Variants in GLIS3 observed in about 807,000 individuals in gnomAD.
GLIS3 encodes the protein GLIS family zinc finger 3, also known as zinc finger protein GLIS3.
In GLIS3, 53 loss-of-function variants were observed where a neutral mutation model predicts 78.6. The observed-to-expected ratio is 0.67, with a 90% confidence interval of 0.54 to 0.85. The LOEUF is 0.85. Ranked by LOEUF, GLIS3 falls within the 40% of genes least tolerant of loss-of-function variation. The pLI, the probability that GLIS3 is intolerant of heterozygous loss-of-function variation, is 0.00. For missense variants in GLIS3, 1,703 were observed against 1,231.1 expected, an observed-to-expected ratio of 1.38 and a Z score of -5.74; for synonymous variants, 684 against 509.9, an observed-to-expected ratio of 1.34 and a Z score of -4.60.
At chr9:4,088,330 T>C (rs1425716139) in intron 4 of GLIS3, among the ~76,000 whole-genome samples, 1 of 152,244 alleles carries the variant, frequency 6.6e-6, no homozygotes, top group Non-Finnish European at 1.5e-5. Flanking sequence ...GCATAAAACA[T>C]ATGCTTAGGC....
At chr9:4,154,662 A>T (rs1834920798) in intron 2 of GLIS3, among the ~76,000 whole-genome samples, 1 of 152,212 alleles carries the variant, frequency 6.6e-6, no homozygotes, top group Admixed American at 6.5e-5. Context: ...TTCACAAAAT[A>T]ATCTAGTAGA....
intron 2 of GLIS3, among the ~76,000 whole-genome samples, chr9:4,279,162 G>A (rs1239828525): frequency 6.6e-6 from 1 of 151,496 alleles, no homozygotes; most frequent in Non-Finnish European, 1.5e-5. Context: ...TTCCGGGCGT[G>A]GTGGCAGGCA....
intron 2 of GLIS3, among the ~76,000 whole-genome samples, chr9:4,200,204 A>G (rs1176684249): frequency 6.6e-6 from 1 of 152,178 alleles, no homozygotes; most frequent in African/African-American, 2.4e-5. Flanking sequence ...GCAAAATTAT[A>G]AAGATCTCAA....
intron 4 of GLIS3, among the ~76,000 whole-genome samples, chr9:3,950,178 A>G (rs990954365): frequency 3.9e-5 from 6 of 152,098 alleles, no homozygotes; most frequent in African/African-American, 9.7e-5. Flanking sequence ...CTCTCCATCA[A>G]TATCTGACCT....
the GLIS3 span, among the ~76,000 whole-genome samples, chr9:4,384,392 C>G: frequency 6.6e-6 from 1 of 151,856 alleles, no homozygotes; most frequent in Non-Finnish European, 1.5e-5. Context: ...AATTTATTTT[C>G]TAAGTTGTCA....
At chr9:4,185,104 C>A (rs1276072840) in intron 2 of GLIS3, among the ~76,000 whole-genome samples, 3 of 152,130 alleles carry the variant, frequency 2.0e-5, no homozygotes, top group South Asian at 2.1e-4. Flanking sequence ...TATAGTTAAT[C>A]CCTGTTCCCA....
the GLIS3 span, among the ~76,000 whole-genome samples, chr9:4,399,651 G>C: frequency 0.033 from 4,980 of 152,256 alleles, 271 homozygotes; most frequent in African/African-American, 0.11. Flanking sequence ...ATATCAAAGA[G>C]TTATTTTTTT....
chr9:4,007,238 C>T (rs989619846), intron 4 of GLIS3, among the ~76,000 whole-genome samples: 2 of 152,094 alleles, frequency 1.3e-5, no homozygotes, highest in African/African-American at 4.8e-5. Context: ...ATAGGGGGGA[C>T]ATCAGGATTA....
At chr9:4,376,648 G>C in the GLIS3 span, among the ~76,000 whole-genome samples, 1 of 134,652 alleles carries the variant, frequency 7.4e-6, no homozygotes, top group African/African-American at 2.6e-5. Flanking sequence ...TCTTATAAAA[G>C]AAGAAATATA....
intron 8 of GLIS3, 87 bp downstream of exon 8, chr9:3,879,340 A>C: frequency 7.5e-7 from 1 of 1,324,772 alleles, no homozygotes; most frequent in Non-Finnish European, 1.1e-6. Context: ...CGGATTATTA[A>C]TAAAATTCAG....
chr9:4,013,081 C>T (rs1822161817), intron 4 of GLIS3, among the ~76,000 whole-genome samples: 1 of 152,004 alleles, frequency 6.6e-6, no homozygotes, highest in Admixed American at 6.6e-5. Flanking sequence ...GGAAATAGAG[C>T]AAAAATGTGG....
intron 2 of GLIS3, among the ~76,000 whole-genome samples, chr9:4,280,927 C>T (rs1279142854): frequency 2.0e-5 from 3 of 152,136 alleles, no homozygotes; most frequent in Non-Finnish European, 4.4e-5. Context: ...ACTCCTACAA[C>T]AAAAGTTCCC....
chr9:4,344,863 A>AC (rs2130590857), intron 2 of GLIS3, among the ~76,000 whole-genome samples: 1 of 152,266 alleles, frequency 6.6e-6, no homozygotes, highest in African/African-American at 2.4e-5. Flanking sequence ...GCCAAGGCTC[A>AC]CCCATCAGCG....
intron 4 of GLIS3, among the ~76,000 whole-genome samples, chr9:4,028,031 C>T (rs1436705923): frequency 6.6e-6 from 1 of 152,190 alleles, no homozygotes; most frequent in East Asian, 1.9e-4. Context: ...AACCCGGATC[C>T]ACTACAGCGG....
upstream of GLIS3, among the ~76,000 whole-genome samples, chr9:4,349,806 G>C (rs940653912): frequency 6.6e-6 from 1 of 152,224 alleles, no homozygotes; most frequent in African/African-American, 2.4e-5. Context: ...TAAATTCATG[G>C]TGGCAAGAAG....
intron 4 of GLIS3, among the ~76,000 whole-genome samples, chr9:4,029,080 T>C (rs1369561707): frequency 1.3e-5 from 2 of 152,150 alleles, no homozygotes; most frequent in Non-Finnish European, 2.9e-5. Flanking sequence ...ATTCTAAAAG[T>C]AGTTTCCATT....
the GLIS3 span, among the ~76,000 whole-genome samples, chr9:4,488,317 C>T: frequency 1.3e-5 from 2 of 151,994 alleles, no homozygotes; most frequent in Non-Finnish European, 2.9e-5. Context: ...TTCTTTCTTC[C>T]CTTTATATTT....
intron 2 of GLIS3, among the ~76,000 whole-genome samples, chr9:4,267,118 G>A (rs183024206): frequency 1.1e-4 from 17 of 152,078 alleles, no homozygotes; most frequent in Non-Finnish European, 2.1e-4. Context: ...GAGAAAAGCT[G>A]TACCCCCTGC....
chr9:4,028,228 T>A (rs1823514540), intron 4 of GLIS3, among the ~76,000 whole-genome samples: 1 of 152,204 alleles, frequency 6.6e-6, no homozygotes, highest in Non-Finnish European at 1.5e-5. Context: ...CCTCAGTTTC[T>A]CCATCTGCAA....
Sources: gnomAD v4.1 joint callset for allele counts (sites outside exome capture counted in the v4.1 genomes callset) on GRCh38, gnomAD v4.1.1 for gene constraint, MANE v1.5 for transcripts, NCBI Gene and HGNC (gene_info 2026-07-23, HGNC 2026-07-21) for gene names.